The following STRBP variants were observed in gnomAD, a reference collection of about 807,000 sequenced individuals.
The protein encoded by STRBP is spermatid perinuclear RNA binding protein.
STRBP carries 13 observed loss-of-function variants against 80.1 expected under a neutral mutation model. That is an observed-to-expected ratio of 0.16 (90% CI 0.11 to 0.26). The LOEUF (loss-of-function observed/expected upper bound fraction) is 0.26. Among genes scored for constraint, STRBP ranks in the 10% least tolerant of loss-of-function variants. The pLI is 1.00. For missense variants in STRBP, 485 were observed against 815.2 expected (o/e 0.59, Z 4.93); for synonymous variants, 284 against 291.2 (o/e 0.98, Z 0.25).
chr9:123,165,910 C>G (rs1001631407), intron 6 of STRBP, among the ~76,000 whole-genome samples: 1 of 152,152 alleles, frequency 6.6e-6, no homozygotes, highest in African/African-American at 2.4e-5. Flanking sequence ...ATAAAAATAT[C>G]TTAACAGAGA....
chr9:123,218,659 G>A (rs1313773346), intron 2 of STRBP, among the ~76,000 whole-genome samples: 4 of 152,080 alleles, frequency 2.6e-5, no homozygotes, highest in South Asian at 2.1e-4. Flanking sequence ...GTGAGCCACC[G>A]CGCCCGGCCT....
intron 1 of STRBP, among the ~76,000 whole-genome samples, chr9:123,248,261 G>GTTTTTTTTT (rs1223848724): frequency 5.3e-5 from 4 of 75,420 alleles, no homozygotes; most frequent in East Asian, 4.6e-4. Context: ...CCCCTATCGT[G>GTTTTTTTTT]TTTTTTTTTT....
chr9:123,238,533 T>C (rs913789657), intron 1 of STRBP, among the ~76,000 whole-genome samples: 1 of 152,228 alleles, frequency 6.6e-6, no homozygotes, highest in Non-Finnish European at 1.5e-5. Flanking sequence ...AAAACCATTA[T>C]AGTGACTAAG....
At chr9:123,132,994 C>T (rs761694416) in intron 16 of STRBP, 26 bp from the exon 17 acceptor site, 1 of 1,606,546 alleles carries the variant, frequency 6.2e-7, no homozygotes, top group Admixed American at 1.7e-5. Flanking sequence ...ATTTTCATTA[C>T]TGAAAGAAAT....
intron 2 of STRBP, among the ~76,000 whole-genome samples, chr9:123,198,858 T>A (rs1054640405): frequency 3.3e-5 from 5 of 152,196 alleles, no homozygotes; most frequent in African/African-American, 1.2e-4. Flanking sequence ...CATTCCCCAA[T>A]TTATGTTTAT....
intron 1 of STRBP, among the ~76,000 whole-genome samples, chr9:123,247,454 A>G (rs2040822417): frequency 6.6e-6 from 1 of 152,108 alleles, no homozygotes; most frequent in Non-Finnish European, 1.5e-5. Context: ...TTTTTAGTAG[A>G]GACAGGGTTT....
intron 11 of STRBP, among the ~76,000 whole-genome samples, chr9:123,149,808 T>C (rs1290800567): frequency 6.6e-6 from 1 of 152,218 alleles, no homozygotes; most frequent in Non-Finnish European, 1.5e-5. Context: ...CTGTCCCCAT[T>C]ATAAATTCAT....
intron 1 of STRBP, among the ~76,000 whole-genome samples, chr9:123,254,456 CAAAAAA>C (rs1205708821): frequency 5.2e-4 from 34 of 65,734 alleles, no homozygotes; most frequent in Non-Finnish European, 1.0e-3. Flanking sequence ...GACTCCGTCT[CAAAAAA>C]AAAAAAAAAA....
intron 2 of STRBP, among the ~76,000 whole-genome samples, chr9:123,195,835 T>C (rs371715835): frequency 2.6e-5 from 4 of 151,942 alleles, no homozygotes; most frequent in African/African-American, 9.7e-5. Flanking sequence ...TTCACAGAAA[T>C]AGAAAAAAAT....
chr9:123,228,383 G>A (rs1226325214), intron 2 of STRBP, among the ~76,000 whole-genome samples: 5 of 152,108 alleles, frequency 3.3e-5, no homozygotes, highest in Admixed American at 1.3e-4. Context: ...CAATGGACAC[G>A]CCAATTTTTA....
At chr9:123,224,978 C>T (rs566368446) in intron 2 of STRBP, among the ~76,000 whole-genome samples, 4 of 152,130 alleles carry the variant, frequency 2.6e-5, no homozygotes, top group Non-Finnish European at 4.4e-5. Context: ...ATCAATAGTA[C>T]AATGGATAGT....
rs201678676 is a variant in STRBP at position 123,186,828 on chromosome 9, A to T, written c.-164-2530T>A. On this transcript the variant is annotated intron_variant, in intron 2 of 18. Coordinates refer to ENST00000348403, the MANE Select transcript of STRBP (RefSeq NM_018387.5). ...CTTTTAAGAGTTTTTCTTTTTTTAA[A>T]AAAAAAAAAAAAAAAGGTCAACCTA... 4.9e-3 allele frequency among the ~76,000 whole-genome samples: 532 copies of T among 108,852 alleles called. 2 individuals are homozygous for T. Among genetic ancestry groups the T allele is most frequent in the East Asian group, 0.027 (22 of 804 alleles). 71.4% of individuals were successfully genotyped at this position (108,852 alleles called of 152,430 possible).
At chr9:123,246,708 T>C (rs1423623920) in intron 1 of STRBP, among the ~76,000 whole-genome samples, 1 of 152,224 alleles carries the variant, frequency 6.6e-6, no homozygotes, top group Non-Finnish European at 1.5e-5. Context: ...GAACCACAAA[T>C]TATGGAGCTA....
intron 1 of STRBP, among the ~76,000 whole-genome samples, chr9:123,242,883 C>G (rs1215711236): frequency 1.3e-5 from 2 of 152,116 alleles, no homozygotes; most frequent in African/African-American, 4.8e-5. Context: ...TAGAGACACT[C>G]CACAGTAAAA....
chr9:123,210,076 T>C (rs1427957455), intron 2 of STRBP, among the ~76,000 whole-genome samples: 1 of 152,220 alleles, frequency 6.6e-6, no homozygotes, highest in African/African-American at 2.4e-5. Context: ...TTTGTAGTTA[T>C]ATATATTGGT....
intron 11 of STRBP, among the ~76,000 whole-genome samples, chr9:123,150,082 T>C (rs1342851047): frequency 6.6e-6 from 1 of 152,142 alleles, no homozygotes; most frequent in Non-Finnish European, 1.5e-5. Flanking sequence ...CAGTGAACTA[T>C]TCAGCCATTT....
downstream of STRBP, among the ~76,000 whole-genome samples, chr9:123,118,899 A>G (rs904443638): frequency 2.0e-5 from 3 of 152,190 alleles, no homozygotes; most frequent in African/African-American, 7.2e-5. Context: ...TGCACCCTCT[A>G]TTTAATCCAA....
intron 2 of STRBP, among the ~76,000 whole-genome samples, chr9:123,197,585 C>G (rs2039140253): frequency 6.6e-6 from 1 of 151,082 alleles, no homozygotes; most frequent in African/African-American, 2.4e-5. Flanking sequence ...TTCACTTACT[C>G]ATAGCTTGGC....
At chr9:123,127,466 A>C (rs1213191478) in intron 18 of STRBP, among the ~76,000 whole-genome samples, 2 of 152,190 alleles carry the variant, frequency 1.3e-5, no homozygotes, top group African/African-American at 4.8e-5. Context: ...TGATTCTATA[A>C]CATGTAGCAC....
Sources: allele counts gnomAD v4.1 joint callset (sites outside exome capture counted in the v4.1 genomes callset), GRCh38; gene constraint gnomAD v4.1.1; transcripts MANE v1.5; gene names NCBI Gene and HGNC (gene_info 2026-07-23, HGNC 2026-07-21).